The following IL1R1 variants were observed in gnomAD, a reference collection of about 807,000 sequenced individuals.
IL1R1 encodes interleukin-1 receptor type 1.
Under a neutral mutation model 50.2 loss-of-function variants are expected in IL1R1, and 22 were observed. The ratio of observed to expected loss-of-function variants is 0.44; its 90% CI spans 0.31 to 0.63. The LOEUF (loss-of-function observed/expected upper bound fraction) is 0.63, where lower values mean the gene tolerates loss of function less well. Ranked by LOEUF, IL1R1 falls within the 20% of genes least tolerant of loss-of-function variation. The pLI, the probability that IL1R1 is intolerant of heterozygous loss-of-function variation, is 0.07. For missense variants in IL1R1, 509 were observed against 676.2 expected (o/e 0.75, Z 2.74); for synonymous variants, 251 against 236.7 (o/e 1.06, Z -0.55).
chr2:102,148,071 T>A (rs1683310524), intron 1 of IL1R1, among the ~76,000 whole-genome samples: 1 of 152,166 alleles, frequency 6.6e-6, no homozygotes, highest in African/African-American at 2.4e-5. Context: ...TACTCATAGT[T>A]TGGTAGAGCT....
intron 1 of IL1R1, among the ~76,000 whole-genome samples, chr2:102,086,600 T>C (rs1364343072): frequency 6.6e-6 from 1 of 152,148 alleles, no homozygotes; most frequent in Admixed American, 6.5e-5. Flanking sequence ...TGTTTATTTT[T>C]CAACAGACTT....
chr2:102,139,106 G>A (rs1052361707), upstream of IL1R1, among the ~76,000 whole-genome samples: 1 of 152,180 alleles, frequency 6.6e-6, no homozygotes, highest in African/African-American at 2.4e-5. Context: ...AGTGGACCGA[G>A]CTGAAGAATG....
upstream of IL1R1, chr2:102,142,268 G>A (rs888470567): frequency 6.6e-6 from 1 of 152,120 alleles, no homozygotes; most frequent in African/African-American, 2.4e-5. Context: ...TTTCACAGAA[G>A]AGGAAACGGA....
At chr2:102,169,607 A>G (rs2104603442) in intron 7 of IL1R1, among the ~76,000 whole-genome samples, 1 of 152,346 alleles carries the variant, frequency 6.6e-6, no homozygotes, top group East Asian at 1.9e-4. Context: ...CTGTAATAGT[A>G]ACTGCATGAC....
intron 3 of IL1R1, among the ~76,000 whole-genome samples, chr2:102,159,737 C>A (rs1684532447): frequency 1.3e-5 from 2 of 152,164 alleles, no homozygotes; most frequent in African/African-American, 4.8e-5. Flanking sequence ...CAAAGAGTGG[C>A]AGTGCTCTGG....
intron 1 of IL1R1, among the ~76,000 whole-genome samples, chr2:102,086,320 A>T: frequency 6.6e-6 from 1 of 152,156 alleles, no homozygotes; most frequent in East Asian, 1.9e-4. Context: ...TAATCACTTC[A>T]TTGTATTTCC....
intron 1 of IL1R1, among the ~76,000 whole-genome samples, chr2:102,098,001 A>G (rs1209787041): frequency 6.6e-6 from 1 of 152,104 alleles, no homozygotes; most frequent in Admixed American, 6.6e-5. Flanking sequence ...ACTTAGAGGC[A>G]CAAATCTTAA....
rs1477613458 is a variant in IL1R1 at position 102,178,064 on chromosome 2, A to C, written c.*1305A>C. 6.5e-6 allele frequency: 1 copy of C among 153,026 alleles called. No homozygotes were observed. The highest frequency in any genetic ancestry group is 1.5e-5 in the Non-Finnish European group (1 of 68,626). The allele number at this position is 153,026 out of a possible 1,614,324, so 9.5% of individuals were successfully genotyped here. On this transcript the variant is annotated 3_prime_UTR_variant, in exon 12 of 12. Coordinates refer to ENST00000410023, the MANE Select transcript of IL1R1 (RefSeq NM_000877.4). Reference sequence around the variant, plus strand: ...GGTGGCCATGTCGCCTGCCCCCAGCACTCCTCTGTCTCTGCTCTTGCCTGC... The same window carrying C: ...GGTGGCCATGTCGCCTGCCCCCAGCCCTCCTCTGTCTCTGCTCTTGCCTGC...
In IL1R1 at chr2:102,174,149, A is replaced by T. The variant is rs191169696; in HGVS notation, c.992-438A>T. Among the ~76,000 whole-genome samples, 65 of 152,234 alleles carry T rather than the reference A, an allele frequency of 4.3e-4. No individual in the cohort carries two copies. The East Asian group carries it at 0.011, about 25-fold the overall frequency. On this transcript the variant is annotated intron_variant, in intron 9 of 11. Transcript: ENST00000410023. ...CTTCCTCTTTAATTATTGGATAACT[A>T]AGTAGAGAAGGAGGCCAGGAGAATG...
chr2:102,122,796 T>G (rs1454927016), intron 1 of IL1R1, among the ~76,000 whole-genome samples: 1 of 152,238 alleles, frequency 6.6e-6, no homozygotes, highest in Admixed American at 6.5e-5. Context: ...GAAAACACAG[T>G]CACTCTGCAT....
At chr2:102,152,917 T>C (rs1358902907) in intron 1 of IL1R1, among the ~76,000 whole-genome samples, 1 of 152,144 alleles carries the variant, frequency 6.6e-6, no homozygotes, top group Non-Finnish European at 1.5e-5. Flanking sequence ...GGCTGTGTTA[T>C]TGATGGCCAT....
chr2:102,152,133 A>G (rs1427727712), intron 1 of IL1R1, among the ~76,000 whole-genome samples: 2 of 152,006 alleles, frequency 1.3e-5, no homozygotes, highest in Non-Finnish European at 2.9e-5. Context: ...TCAGCAATGG[A>G]TGAGTGGTGG....
At chr2:102,167,220 T>TA (rs1337007976) in intron 6 of IL1R1, among the ~76,000 whole-genome samples, 1 of 152,144 alleles carries the variant, frequency 6.6e-6, no homozygotes, top group Admixed American at 6.5e-5. Context: ...TTTATTTTCC[T>TA]AAAAATATTT....
chr2:102,162,910 A>T (rs1403979128), intron 3 of IL1R1, among the ~76,000 whole-genome samples: 2 of 152,112 alleles, frequency 1.3e-5, no homozygotes, highest in African/African-American at 4.8e-5. Context: ...TTTTTGAAGG[A>T]ATTAAATATT....
intron 7 of IL1R1, 32 bp downstream of exon 7, chr2:102,168,695 TC>T: frequency 6.6e-7 from 1 of 1,509,400 alleles, no homozygotes; most frequent in African/African-American, 1.4e-5. Context: ...TATGCTGGAA[TC>T]GGTTTTTTTT....
intron 1 of IL1R1, among the ~76,000 whole-genome samples, chr2:102,095,008 TTGG>T (rs1199727939): frequency 6.6e-6 from 1 of 152,150 alleles, no homozygotes; most frequent in Non-Finnish European, 1.5e-5. Context: ...ATTCACTATT[TTGG>T]TGGTGGTGAT....
rs920345500 is a variant in IL1R1, at chr2:102,157,886, C to G, written c.61+101C>G. ...ACAGAGTCATTTCTCATACTCGTCT[C>G]TGTTGAATCTCTGGGCACAGAGCCT... On this transcript the variant is annotated intron_variant, in intron 3 of 11. Transcript: ENST00000410023. 6.4e-6 allele frequency: 5 copies of G among 780,038 alleles called. No homozygotes were observed. The African/African-American group carries it at 6.9e-5, about 11-fold the overall frequency. The allele number at this position is 780,038 out of a possible 1,614,324, so 48.3% of individuals were successfully genotyped here. A position where few individuals can be genotyped will look rare whatever the true frequency, so the allele number is the denominator to read the frequency against.
Position 102,080,078 on chromosome 2 carries a change from A to ATT in IL1R1, c.-84+9547_-84+9548dup, listed in dbSNP as rs1679141245. On this transcript the variant is annotated intron_variant, in intron 1 of 11. Coordinates refer to the IL1R1 transcript ENST00000409929. ...TCTCTATCTCATACTGTACACAAAA[A>ATT]TTTACTCAAAAAGCAATCATAGAAC... Among the ~76,000 whole-genome samples, 3 of 152,238 alleles carry ATT rather than the reference A, an allele frequency of 2.0e-5. No individual in the cohort carries two copies. In the South Asian group the frequency reaches 6.2e-4, roughly 32 times the overall value.
chr2:102,126,064 T>C (rs1319875660), intron 1 of IL1R1, among the ~76,000 whole-genome samples: 1 of 152,254 alleles, frequency 6.6e-6, no homozygotes, highest in Admixed American at 6.5e-5. Context: ...AGCCTTATAA[T>C]GCTCTTTTTC....
Sources: gnomAD v4.1 joint callset for allele counts (sites outside exome capture counted in the v4.1 genomes callset) on GRCh38, gnomAD v4.1.1 for gene constraint, MANE v1.5 for transcripts, NCBI Gene and HGNC (gene_info 2026-07-23, HGNC 2026-07-21) for gene names.